The following PRH1 variants were observed in gnomAD, a reference collection of about 807,000 sequenced individuals.
PRH1 encodes the protein salivary acidic proline-rich phosphoprotein 1/2.
In PRH1, 7 loss-of-function variants were observed where a neutral mutation model predicts 7.9. That is an observed-to-expected ratio of 0.89 (90% CI 0.50 to 1.67). The LOEUF (loss-of-function observed/expected upper bound fraction) is 1.67, where lower values mean the gene tolerates loss of function less well. Ranked by LOEUF, PRH1 falls within the 40% of genes most tolerant of loss-of-function variation. The probability of loss-of-function intolerance (pLI) is 0.00; values close to 1 mark genes in which losing one functional copy is unlikely to be tolerated. For missense variants in PRH1, 109 were observed against 223.6 expected, an observed-to-expected ratio of 0.49 and a Z score of 3.27; for synonymous variants, 45 against 80.8, an observed-to-expected ratio of 0.56 and a Z score of 2.38.
At chr12:11,100,169 C>T (rs1219993098) in intron 1 of PRH1, among the ~76,000 whole-genome samples, 1 of 151,914 alleles carries the variant, frequency 6.6e-6, no homozygotes, top group Admixed American at 6.6e-5. Flanking sequence ...TAGAAATGAA[C>T]CAAAACAAAA....
chr12:11,079,855 AT>A (rs1294965751), intron 1 of PRH1, among the ~76,000 whole-genome samples: 1 of 116,962 alleles, frequency 8.5e-6, no homozygotes, highest in Non-Finnish European at 2.0e-5. Flanking sequence ...AAAATAGTGA[AT>A]TTTTCCCTTC....
upstream of PRH1, chr12:11,047,240 C>A: frequency 6.3e-6 from 2 of 317,700 alleles, no homozygotes; most frequent in South Asian, 2.6e-5. Flanking sequence ...GGAGCCTCAG[C>A]TCACTGCCCA....
intron 2 of PRH1, among the ~76,000 whole-genome samples, chr12:10,937,026 T>A (rs1191017578): frequency 1.3e-5 from 2 of 152,132 alleles, no homozygotes; most frequent in African/African-American, 2.4e-5. Flanking sequence ...GAATTCAGGA[T>A]TACGGTTACA....
At chr12:11,147,654 TAC>T (rs1424213395) in intron 1 of PRH1, among the ~76,000 whole-genome samples, 14 of 152,340 alleles carry the variant, frequency 9.2e-5, no homozygotes, top group Admixed American at 2.6e-4. Context: ...CACATCATTA[TAC>T]TGTAAATTTG....
intron 1 of PRH1, among the ~76,000 whole-genome samples, chr12:10,978,397 C>T (rs1939204553): frequency 6.6e-6 from 1 of 152,138 alleles, no homozygotes; most frequent in African/African-American, 2.4e-5. Flanking sequence ...TTTCCTAATA[C>T]ATATACAAAA....
chr12:11,009,923 C>G (rs1205890231), intron 1 of PRH1, among the ~76,000 whole-genome samples: 1 of 151,858 alleles, frequency 6.6e-6, no homozygotes, highest in Non-Finnish European at 1.5e-5. Context: ...TCCATCATTA[C>G]CCAAGCGAGA....
rs1394649755 is a variant in PRH1, at chr12:10,997,753, G to A, written c.-125-24032C>T. 12 of 1,613,796 alleles carry A rather than the reference G, an allele frequency of 7.4e-6. No homozygotes were observed. The African/African-American group carries it at 1.3e-4, about 18-fold the overall frequency. ...CAGCAATAATTTGATCAGCTGAGGA[G>A]ATCTTTTGTCTCTTGACCCAGGCAA... On this transcript the variant is annotated intron_variant, in intron 1 of 3. Transcript: ENST00000539853.
At position 11,055,565 on chromosome 12, in the gene PRH1, A is replaced by C. The variant is rs141206747; in HGVS notation, n.124-8377T>G. Among the ~76,000 whole-genome samples, 3 of 152,402 alleles carry C rather than the reference A, an allele frequency of 2.0e-5. No homozygotes were observed. The East Asian group carries it at 5.8e-4, about 29-fold the overall frequency. On this transcript the variant is annotated intron_variant and non_coding_transcript_variant, in intron 1 of 4. Transcript: ENST00000541977. Reference sequence around the variant, plus strand: ...TAATGGAAAACATGATAATTTCCAAAACAGCTCAAATTAACTCCTATTCAA... The same window carrying C: ...TAATGGAAAACATGATAATTTCCAACACAGCTCAAATTAACTCCTATTCAA...
rs373848075 is a variant in PRH1 at position 11,109,489 on chromosome 12, G to A, written n.123+61933C>T. ...GAGGAAGGAACAGGCAGCAATATTT[G>A]CTGTTTTGCAGCCTCCACTGGTGAT... On this transcript the variant is annotated intron_variant and non_coding_transcript_variant, in intron 1 of 4. Transcript: ENST00000541977. 3.9e-4 allele frequency among the ~76,000 whole-genome samples: 59 copies of A among 152,290 alleles called. 1 individual carries two copies. The South Asian group carries it at 0.012, about 31-fold the overall frequency.
chr12:11,046,510 A>G (rs1256550931), intron 1 of PRH1, among the ~76,000 whole-genome samples: 1 of 152,054 alleles, frequency 6.6e-6, no homozygotes, highest in Non-Finnish European at 1.5e-5. Context: ...CAGTAAGTCT[A>G]CAGTTTTCTT....
chr12:11,053,331 G>C (rs1943231992), intron 1 of PRH1, among the ~76,000 whole-genome samples: 1 of 152,160 alleles, frequency 6.6e-6, no homozygotes, highest in Non-Finnish European at 1.5e-5. Context: ...ACTTCTGTTT[G>C]ATTTATTTAG....
At chr12:10,940,784 A>C (rs1049853332) in intron 2 of PRH1, among the ~76,000 whole-genome samples, 8 of 152,226 alleles carry the variant, frequency 5.3e-5, no homozygotes, top group African/African-American at 1.7e-4. Flanking sequence ...AACAGCTACC[A>C]AACAAAGTAG....
chr12:10,917,457 A>G (rs1350138245), intron 2 of PRH1, among the ~76,000 whole-genome samples: 2 of 152,158 alleles, frequency 1.3e-5, no homozygotes, highest in Non-Finnish European at 1.5e-5. Context: ...GGATCATGTC[A>G]TATTGATCTT....
intron 1 of PRH1, chr12:11,133,796 T>A: frequency 1.2e-6 from 2 of 1,614,168 alleles, no homozygotes; most frequent in Non-Finnish European, 1.7e-6. Flanking sequence ...TACAGTCTCA[T>A]CCATGTTTAT....
chr12:11,022,127 T>C (rs772144970), intron 1 of PRH1: 7 of 1,613,912 alleles, frequency 4.3e-6, no homozygotes, highest in East Asian at 2.2e-5. Flanking sequence ...CTCTCATCCA[T>C]GGTTATCACA....
intron 1 of PRH1, among the ~76,000 whole-genome samples, chr12:10,999,787 G>A (rs961369486): frequency 6.6e-6 from 1 of 152,058 alleles, no homozygotes; most frequent in Non-Finnish European, 1.5e-5. Flanking sequence ...AGCTTGGTCT[G>A]TCCTGCTTTG....
chr12:11,085,412 A>AC (rs1944653822), intron 1 of PRH1, among the ~76,000 whole-genome samples: 1 of 130,908 alleles, frequency 7.6e-6, no homozygotes, highest in Admixed American at 7.7e-5. Context: ...GTTATGGAAA[A>AC]AAATGGTTAG....
chr12:11,009,711 G>C (rs917435403), intron 1 of PRH1, among the ~76,000 whole-genome samples: 3 of 151,890 alleles, frequency 2.0e-5, no homozygotes, highest in Non-Finnish European at 4.4e-5. Flanking sequence ...GATGTGAGTA[G>C]CTTTTTCTGG....
At chr12:11,040,837 T>G (rs1942678324) in intron 1 of PRH1, among the ~76,000 whole-genome samples, 1 of 152,214 alleles carries the variant, frequency 6.6e-6, no homozygotes, top group African/African-American at 2.4e-5. Flanking sequence ...TTTGTTTTTG[T>G]GCTTGTTTGT....
Sources: allele counts gnomAD v4.1 joint callset (sites outside exome capture counted in the v4.1 genomes callset), GRCh38; gene constraint gnomAD v4.1.1; transcripts MANE v1.5; gene names NCBI Gene and HGNC (gene_info 2026-07-23, HGNC 2026-07-21).